Variants in CLTCL1 observed in about 807,000 individuals in gnomAD.
CLTCL1 encodes the protein clathrin heavy chain like 1, also known as clathrin heavy chain 2.
In CLTCL1, 159 loss-of-function variants were observed where a neutral mutation model predicts 190.0. The observed-to-expected ratio is 0.84, with a 90% confidence interval of 0.74 to 0.95. The LOEUF (loss-of-function observed/expected upper bound fraction) is 0.95. CLTCL1 is among the 40% of genes least tolerant of loss of function. CLTCL1 has a pLI of 0.00. For missense variants in CLTCL1, 1,878 were observed against 2,033.4 expected, an observed-to-expected ratio of 0.92 and a Z score of 1.47; for synonymous variants, 752 against 769.6, an observed-to-expected ratio of 0.98 and a Z score of 0.38.
At chr22:19,282,063 GCTCACGCCTATAATC>G (rs145841330) in intron 1 of CLTCL1, among the ~76,000 whole-genome samples, 1,780 of 152,262 alleles carry the variant, frequency 0.012, 35 homozygotes, top group African/African-American at 0.039. Context: ...GGGCACGGTG[GCTCACGCCTATAATC>G]CTAGCACTTT....
chr22:19,213,048 A>G (rs981762811), intron 19 of CLTCL1, among the ~76,000 whole-genome samples: 2 of 152,338 alleles, frequency 1.3e-5, no homozygotes, highest in East Asian at 3.9e-4. Context: ...AAATCTACAG[A>G]ATGAGAAAAT....
At chr22:19,273,987 C>T (rs1332452208) in intron 2 of CLTCL1, among the ~76,000 whole-genome samples, 1 of 152,082 alleles carries the variant, frequency 6.6e-6, no homozygotes, top group African/African-American at 2.4e-5. Flanking sequence ...GTTCTCTTTA[C>T]TCCCCGACTC....
At chr22:19,256,538 T>C (rs2086764915) in intron 2 of CLTCL1, among the ~76,000 whole-genome samples, 1 of 151,804 alleles carries the variant, frequency 6.6e-6, no homozygotes, top group South Asian at 2.1e-4. Flanking sequence ...CGCATTTTTT[T>C]GTAGAGATGG....
At chr22:19,185,946 T>G (rs1364378795) in intron 29 of CLTCL1, among the ~76,000 whole-genome samples, 2 of 152,128 alleles carry the variant, frequency 1.3e-5, no homozygotes, top group Non-Finnish European at 2.9e-5. Context: ...TTCCTCTCCA[T>G]TCCCTCTGCA....
At chr22:19,211,497 G>A (rs553294991) in intron 19 of CLTCL1, among the ~76,000 whole-genome samples, 79 of 151,950 alleles carry the variant, frequency 5.2e-4, no homozygotes, top group African/African-American at 1.8e-3. Context: ...AACTGTCCCC[G>A]GTGTCTCACG....
chr22:19,226,146 G>A, intron 12 of CLTCL1, 73 bp downstream of exon 12: 1 of 1,506,850 alleles, frequency 6.6e-7, no homozygotes. Flanking sequence ...ACCAACAGGT[G>A]AACACTGGGG....
At chr22:19,183,236 AG>A in intron 30 of CLTCL1, 153 bp downstream of exon 30, 1 of 638,116 alleles carries the variant, frequency 1.6e-6, no homozygotes, top group African/African-American at 1.8e-5. Context: ...TTCAGCATGA[AG>A]GAAAGCAGCC....
At position 19,193,851 on chromosome 22, in the gene CLTCL1, G is replaced by A. The variant is rs974934510; in HGVS notation, c.4191+2415C>T. 7.9e-5 allele frequency among the ~76,000 whole-genome samples: 12 copies of A among 152,286 alleles called. No individual in the cohort carries two copies. In the East Asian group the frequency reaches 2.3e-3, roughly 29 times the overall value. On this transcript the variant is annotated intron_variant, in intron 26 of 32. Coordinates refer to ENST00000427926, the MANE Select transcript of CLTCL1 (RefSeq NM_007098.4). ...TTCACAAATGAAGCTCCAGACCTTC[G>A]CAGTGAGTGTTACAGCTTTTAAACC...
chr22:19,260,983 T>G (rs1555975291), intron 2 of CLTCL1, among the ~76,000 whole-genome samples: 1 of 151,768 alleles, frequency 6.6e-6, no homozygotes, highest in East Asian at 1.9e-4. Context: ...ACAATGCACC[T>G]GGTCACCTAA....
intron 9 of CLTCL1, 54 bp downstream of exon 9, chr22:19,233,112 C>T (rs1555959850): frequency 3.9e-6 from 6 of 1,557,974 alleles, no homozygotes; most frequent in South Asian, 1.2e-5. Flanking sequence ...AATCAGCAAC[C>T]ACTCAACCAC....
intron 2 of CLTCL1, among the ~76,000 whole-genome samples, chr22:19,272,130 T>C (rs1555980989): frequency 6.6e-6 from 1 of 152,090 alleles, no homozygotes; most frequent in Non-Finnish European, 1.5e-5. Flanking sequence ...ATAAAAAACA[T>C]TCCTAGTTCA....
At chr22:19,242,526 C>T (rs1391914900) in intron 4 of CLTCL1, among the ~76,000 whole-genome samples, 1 of 152,088 alleles carries the variant, frequency 6.6e-6, no homozygotes, top group African/African-American at 2.4e-5. Flanking sequence ...GAACTCCTGA[C>T]CTCGTGATCC....
At chr22:19,253,395 A>G (rs1344163115) in intron 3 of CLTCL1, among the ~76,000 whole-genome samples, 1 of 152,030 alleles carries the variant, frequency 6.6e-6, no homozygotes, top group East Asian at 1.9e-4. Flanking sequence ...GGGCCCTTTG[A>G]CCCCATGGGC....
chr22:19,214,398 T>A (rs1385140061), intron 19 of CLTCL1, among the ~76,000 whole-genome samples: 1 of 152,150 alleles, frequency 6.6e-6, no homozygotes, highest in Non-Finnish European at 1.5e-5. Context: ...CCGGAGGGTG[T>A]GCTCAAGCTC....
intron 1 of CLTCL1, among the ~76,000 whole-genome samples, chr22:19,284,311 T>C (rs2087825981): frequency 6.6e-6 from 1 of 152,196 alleles, no homozygotes; most frequent in Admixed American, 6.5e-5. Context: ...AAACAAATAG[T>C]AAAACAAATT....
At chr22:19,275,995 C>T (rs140921108) in intron 1 of CLTCL1, among the ~76,000 whole-genome samples, 165 bp from the exon 2 acceptor site, 11 of 142,372 alleles carry the variant, frequency 7.7e-5, no homozygotes, top group Non-Finnish European at 1.5e-4. Flanking sequence ...AATAGATCCA[C>T]CCAAGCCTGT....
At chr22:19,276,881 C>T (rs782564800) in intron 1 of CLTCL1, among the ~76,000 whole-genome samples, 3 of 152,102 alleles carry the variant, frequency 2.0e-5, no homozygotes, top group Non-Finnish European at 2.9e-5. Flanking sequence ...ACCGTGTTAG[C>T]CAGGATGGTC....
At chr22:19,288,454 T>A (rs551678150) in intron 1 of CLTCL1, among the ~76,000 whole-genome samples, 1 of 152,232 alleles carries the variant, frequency 6.6e-6, no homozygotes, top group Admixed American at 6.5e-5. Context: ...GTAACAGTTA[T>A]TGTTTAATGC....
At position 19,184,428 on chromosome 22, in the gene CLTCL1, G is replaced by C. The variant is rs137921350; in HGVS notation, c.4606-817C>G. On this transcript the variant is annotated intron_variant, in intron 29 of 32. Transcript: ENST00000427926. Reference sequence around the variant, plus strand: ...TTCCGTTTGGGAGACCCCTGAGGACGCCCAGTGCCCACATCTGCATGGACC... The same window carrying C: ...TTCCGTTTGGGAGACCCCTGAGGACCCCCAGTGCCCACATCTGCATGGACC... 1.2e-3 allele frequency: 552 copies of C among 455,254 alleles called. 2 individuals carry two copies. The highest frequency in any genetic ancestry group is 9.7e-3 in the African/African-American group (486 of 50,126). 28.2% of individuals were successfully genotyped at this position (455,254 alleles called of 1,614,324 possible).
Sources: gnomAD v4.1 joint callset for allele counts (sites outside exome capture counted in the v4.1 genomes callset) on GRCh38, gnomAD v4.1.1 for gene constraint, MANE v1.5 for transcripts, NCBI Gene and HGNC (gene_info 2026-07-23, HGNC 2026-07-21) for gene names.